The following MAP4K1 variants were observed in gnomAD, a reference collection of about 807,000 sequenced individuals.
MAP4K1 encodes the protein MAPK/ERK kinase kinase kinase 1.
In MAP4K1, 35 loss-of-function variants were observed where a neutral mutation model predicts 122.8. The observed-to-expected ratio is 0.29, with a 90% CI of 0.22 to 0.38. MAP4K1 has a LOEUF of 0.38. Among genes scored for constraint, MAP4K1 ranks in the 10% least tolerant of loss-of-function variants. The pLI is 1.00. For synonymous variants in MAP4K1, 412 were observed against 421.3 expected, an observed-to-expected ratio of 0.98 and a Z score of 0.27; for missense variants, 791 against 1,072.6, an observed-to-expected ratio of 0.74 and a Z score of 3.67.
chr19:38,606,477 C>T (rs1256288718), intron 16 of MAP4K1, among the ~76,000 whole-genome samples: 1 of 152,150 alleles, frequency 6.6e-6, no homozygotes, highest in Non-Finnish European at 1.5e-5. Context: ...GGCAGCATAG[C>T]AAGACCTTGT....
In MAP4K1 at chr19:38,617,747, C is replaced by A. The variant is rs926104108; in HGVS notation, c.99+50G>T. ...CAGCCTCCTCCCTGCCGAGGGCTTG[C>A]CTTAAAGGTCACTGGTTGTAGGGTG... is the stretch of plus-strand genomic sequence containing the variant. On this transcript the variant is annotated intron_variant, in intron 1 of 30. Coordinates refer to ENST00000396857, the MANE Select transcript of MAP4K1 (RefSeq NM_001042600.3). The surrounding 1 kb of genome is among the most constrained non-coding windows in gnomAD (Gnocchi z 4.1). The A allele has an allele frequency of 3.7e-6, 6 of 1,609,462 alleles. No individual in the cohort carries two copies. The Admixed American group carries it at 6.7e-5, about 18-fold the overall frequency.
intron 16 of MAP4K1, 132 bp downstream of exon 16, chr19:38,607,725 ATCAGGGC>A (rs1975371267): frequency 1.1e-6 from 1 of 918,626 alleles, no homozygotes; most frequent in South Asian, 1.5e-5. Context: ...TGAGGGTCTA[ATCAGGGC>A]TCAGGGCTCG....
Position 38,597,420 on chromosome 19 carries a change from G to A in MAP4K1, c.1779-36C>T. 6.2e-7 allele frequency: 1 copy of A among 1,613,178 alleles called. No homozygotes were observed. Among genetic ancestry groups the A allele is most frequent in the Non-Finnish European group, 8.5e-7 (1 of 1,179,190 alleles). The stretch of plus-strand genomic sequence containing the variant: ...GGTAGGTGTGAAGGGGGGTAGGACA[G>A]CAGGAGGCAGAGGGGCATGGGAGGA... On this transcript the variant is annotated intron_variant, in intron 23 of 30. Transcript: ENST00000396857. This position sits in a 1 kb window ranked among gnomAD's most constrained non-coding sequence, Gnocchi z 4.6.
At chr19:38,607,101 G>A (rs1975351120) in intron 16 of MAP4K1, among the ~76,000 whole-genome samples, 1 of 152,074 alleles carries the variant, frequency 6.6e-6, no homozygotes, top group South Asian at 2.1e-4. Flanking sequence ...ACATTCGGGA[G>A]GAGTTTGAGA....
Position 38,612,871 on chromosome 19 carries a change from G to C in MAP4K1, c.534-129C>G. 8.2e-6 allele frequency: 8 copies of C among 976,300 alleles called. No individual in the cohort carries two copies. The South Asian group carries it at 1.1e-4, about 13-fold the overall frequency. 60.5% of individuals were successfully genotyped at this position (976,300 alleles called of 1,614,324 possible). On this transcript the variant is annotated intron_variant, in intron 8 of 30. Coordinates refer to ENST00000396857, the MANE Select transcript of MAP4K1 (RefSeq NM_001042600.3). ...GTCAGATGGAGAGACAGAGGGACAG[G>C]AGTAAAGACAGACACAGGCAGATGA...
intron 4 of MAP4K1, among the ~76,000 whole-genome samples, chr19:38,615,602 C>T (rs1229988144): frequency 6.6e-6 from 1 of 152,018 alleles, no homozygotes; most frequent in Non-Finnish European, 1.5e-5. Flanking sequence ...AGAGAGAGGC[C>T]GTCAGACATC....
chr19:38,605,618 C>A lies in MAP4K1; in HGVS notation c.1313G>T (p.Arg438Leu). 6.4e-7 allele frequency: 1 copy of A among 1,574,670 alleles called. No homozygotes were observed. Among genetic ancestry groups the A allele is most frequent in the Non-Finnish European group, 8.6e-7 (1 of 1,161,936 alleles). Residue 438 changes from arginine to leucine, a missense_variant, in exon 18 of 31, where the codon CGT becomes CTT. This residue lies in a region of MAP4K1 where 303 missense variants were observed against 344.8 expected (regional missense o/e 0.88). Transcript: ENST00000396857. ...GCTGGTGGATGGGGGAGGCCCAGGA[C>A]GGGGGCTGTTTGGTGGGGGCCCACT... ...CASGPPPNSP[R>L]PGPPPSTSSP...
At chr19:38,598,283 G>A (rs918713840) in intron 22 of MAP4K1, among the ~76,000 whole-genome samples, 1 of 151,728 alleles carries the variant, frequency 6.6e-6, no homozygotes, top group Non-Finnish European at 1.5e-5. Context: ...TACCCGCCTC[G>A]GCCTCCCAAA....
intron 16 of MAP4K1, among the ~76,000 whole-genome samples, chr19:38,606,982 G>A (rs1975347445): frequency 6.6e-6 from 1 of 152,142 alleles, no homozygotes; most frequent in South Asian, 2.1e-4. Flanking sequence ...TCAGTATCTG[G>A]TCTTTGGGAG....
At chr19:38,602,489 CATATAT>C (rs1975100439) in intron 19 of MAP4K1, among the ~76,000 whole-genome samples, 2 of 131,982 alleles carry the variant, frequency 1.5e-5, no homozygotes, top group African/African-American at 2.5e-5. Context: ...CACACATATA[CATATAT>C]ACATATATAC....
chr19:38,614,656 C>T (rs920976056), intron 4 of MAP4K1: 5 of 602,590 alleles, frequency 8.3e-6, no homozygotes, highest in African/African-American at 1.9e-5. Flanking sequence ...CGCAGTGGCT[C>T]ATGCCTATAA....
At chr19:38,603,205 CAT>C (rs1313728594) in intron 19 of MAP4K1, among the ~76,000 whole-genome samples, 12 of 143,250 alleles carry the variant, frequency 8.4e-5, no homozygotes, top group Non-Finnish European at 1.7e-4. Context: ...CATATATACA[CAT>C]ACATATATAC....
Position 38,596,295 on chromosome 19 carries a change from G to T in MAP4K1, c.2116+17C>A. On this transcript the variant is annotated intron_variant, in intron 26 of 30. Coordinates refer to ENST00000396857, the MANE Select transcript of MAP4K1 (RefSeq NM_001042600.3). ...ATCTGATAAGCCCCGCCCTCAGCAA[G>T]ACTCCGCCCCACTCACCGGTGCTCA... 6.5e-7 allele frequency: 1 copy of T among 1,538,642 alleles called. No individual in the cohort carries two copies. The highest frequency in any genetic ancestry group is 8.8e-7 in the Non-Finnish European group (1 of 1,140,724).
intron 11 of MAP4K1, 106 bp downstream of exon 11, chr19:38,610,945 T>A (rs958104088): frequency 2.2e-5 from 23 of 1,023,282 alleles, no homozygotes; most frequent in Admixed American, 8.1e-5. Context: ...CTAGGGACTT[T>A]GGAAAGGCCA....
chr19:38,616,731 G>A (rs1001300019), intron 3 of MAP4K1, among the ~76,000 whole-genome samples: 3 of 152,176 alleles, frequency 2.0e-5, no homozygotes, highest in Non-Finnish European at 2.9e-5. Context: ...TGAGAGCTTC[G>A]TTTCAAGGGA....
intron 30 of MAP4K1, among the ~76,000 whole-genome samples, chr19:38,590,289 T>A (rs76901411): frequency 1 from 128,535 of 128,536 alleles, 64,267 homozygotes; most frequent in Middle Eastern, 1. Flanking sequence ...AAAGCTCCTT[T>A]AAGACAAAAG....
intron 8 of MAP4K1, among the ~76,000 whole-genome samples, chr19:38,613,036 G>T (rs189003121): frequency 6.6e-6 from 1 of 151,980 alleles, no homozygotes; most frequent in Non-Finnish European, 1.5e-5. Flanking sequence ...GGCTGGGCAC[G>T]GTGGCTTTTG....
intron 5 of MAP4K1, 40 bp downstream of exon 5, chr19:38,614,350 C>A: frequency 6.2e-7 from 1 of 1,613,782 alleles, no homozygotes; most frequent in Non-Finnish European, 8.5e-7. Flanking sequence ...GTGGGGCCAC[C>A]CTCCCCTCCC....
chr19:38,603,712 G>A (rs867114844), intron 19 of MAP4K1, among the ~76,000 whole-genome samples: 1 of 151,992 alleles, frequency 6.6e-6, no homozygotes. Flanking sequence ...GGCCGGGCGC[G>A]GTGGCTCACG....
Sources: allele counts gnomAD v4.1 joint callset (sites outside exome capture counted in the v4.1 genomes callset), GRCh38; gene constraint gnomAD v4.1.1; regional missense constraint gnomAD v4.1.1; non-coding constraint Gnocchi (gnomAD v3.1); transcripts MANE v1.5; gene names NCBI Gene and HGNC (gene_info 2026-07-23, HGNC 2026-07-21).